UNC79: variants seen among roughly 807,000 people sequenced by gnomAD.
UNC79 encodes the protein protein unc-79 homolog.
Under a neutral mutation model 283.1 loss-of-function variants are expected in UNC79, and 37 were observed. The observed-to-expected ratio is 0.13, with a 90% CI of 0.10 to 0.17. The LOEUF is 0.17. Ranked by LOEUF, UNC79 falls within the 10% of genes least tolerant of loss-of-function variation. The pLI is 1.00. For synonymous variants in UNC79, 1,107 were observed against 1,200.2 expected, an observed-to-expected ratio of 0.92 and a Z score of 1.61; for missense variants, 2,272 against 3,211.1, an observed-to-expected ratio of 0.71 and a Z score of 7.07.
chr14:93,451,425 A>G (rs1473250068), intron 1 of UNC79, among the ~76,000 whole-genome samples: 1 of 152,232 alleles, frequency 6.6e-6, no homozygotes, highest in Non-Finnish European at 1.5e-5. Flanking sequence ...TCTAGCTGCC[A>G]GGGGTTGGAG....
intron 7 of UNC79, among the ~76,000 whole-genome samples, chr14:93,517,413 G>A (rs1595721677): frequency 6.9e-6 from 1 of 144,544 alleles, no homozygotes; most frequent in South Asian, 2.2e-4. Flanking sequence ...CCCAATCTTT[G>A]GGGAGAGTAT....
chr14:93,538,519 C>T (rs947628308), intron 12 of UNC79, among the ~76,000 whole-genome samples: 3 of 152,038 alleles, frequency 2.0e-5, no homozygotes, highest in African/African-American at 4.8e-5. Flanking sequence ...CATTGTGGTA[C>T]GGTTTGGTGA....
chr14:93,580,291 A>G (rs764012001), exon 19 of UNC79: 4 of 1,614,208 alleles, frequency 2.5e-6, no homozygotes, highest in Non-Finnish European at 3.4e-6. Context: ...ATCGAGTGCA[A>G]CTTATGTCAG....
At chr14:93,391,013 C>T (rs2054871753) in intron 1 of UNC79, among the ~76,000 whole-genome samples, 1 of 152,178 alleles carries the variant, frequency 6.6e-6, no homozygotes. Context: ...AGCTAAAACA[C>T]TTCTGAAGAA....
At position 93,536,943 on chromosome 14, in the gene UNC79, G is replaced by A. The variant is rs555057297; in HGVS notation, c.1123-1046G>A. 5.1e-4 allele frequency among the ~76,000 whole-genome samples: 77 copies of A among 152,106 alleles called. 1 individual carries two copies. Among genetic ancestry groups the A allele is most frequent in the Non-Finnish European group, 7.9e-4 (54 of 67,982 alleles). The stretch of plus-strand genomic sequence containing the variant: ...GGGCCCTGGATTTGATGTTTGCCTT[G>A]AAACTTTTTCTTACCTTGAGAATCC... On this transcript the variant is annotated intron_variant, in intron 11 of 48. Transcript: ENST00000555664.
intron 1 of UNC79, among the ~76,000 whole-genome samples, chr14:93,344,466 G>A (rs1355203311): frequency 1.3e-5 from 2 of 152,158 alleles, no homozygotes; most frequent in African/African-American, 4.8e-5. Flanking sequence ...TTGAACACAG[G>A]CAGGATATTC....
chr14:93,374,674 G>T (rs369764976), intron 1 of UNC79, among the ~76,000 whole-genome samples: 3 of 152,108 alleles, frequency 2.0e-5, no homozygotes, highest in Admixed American at 2.0e-4. Flanking sequence ...GAGTAGCTGG[G>T]ATTACAGTTG....
intron 7 of UNC79, 126 bp from the exon 8 acceptor site, chr14:93,523,851 TG>T (rs1385721760): frequency 2.1e-6 from 2 of 941,628 alleles, no homozygotes; most frequent in Non-Finnish European, 1.6e-6. Context: ...ATTAAAAAGA[TG>T]ATTCTGTTAG....
intron 41 of UNC79, among the ~76,000 whole-genome samples, chr14:93,676,876 T>C (rs141876406): frequency 6.6e-6 from 1 of 152,378 alleles, no homozygotes; most frequent in East Asian, 1.9e-4. Flanking sequence ...TGGGTTTTCA[T>C]CTACCATTTC....
intron 1 of UNC79, among the ~76,000 whole-genome samples, chr14:93,336,155 G>A (rs1304805123): frequency 1.3e-5 from 2 of 151,968 alleles, no homozygotes; most frequent in African/African-American, 2.4e-5. Flanking sequence ...ATGGAAGCTG[G>A]GTTTTTGAAA....
intron 47 of UNC79, among the ~76,000 whole-genome samples, chr14:93,695,679 G>A (rs752331188): frequency 1.1e-4 from 17 of 151,468 alleles, no homozygotes; most frequent in African/African-American, 4.1e-4. Context: ...ATCACTTGAG[G>A]CCAGGAGTTC....
chr14:93,513,375 C>A (rs1277388923), intron 7 of UNC79, among the ~76,000 whole-genome samples: 1 of 151,944 alleles, frequency 6.6e-6, no homozygotes, highest in African/African-American at 2.4e-5. Flanking sequence ...GCATGACCAA[C>A]ACACCTGGCT....
In UNC79 at chr14:93,464,665, T is replaced by C. The variant is rs10150571; in HGVS notation, c.23-3006T>C. 1,531 of 449,674 alleles carry C rather than the reference T, an allele frequency of 3.4e-3. 30 individuals carry two copies. Among genetic ancestry groups the C allele is most frequent in the African/African-American group, 0.028 (1,389 of 49,580 alleles). 27.9% of individuals were successfully genotyped at this position (449,674 alleles called of 1,614,324 possible). ...AGATAGTATAACTATAATTGAAGAG[T>C]GTAGAAGAAGGAGCTTACTAGAGAA... On this transcript the variant is annotated intron_variant, in intron 1 of 48. Transcript: ENST00000555664.
chr14:93,597,306 T>C, intron 23 of UNC79, 53 bp from the exon 24 acceptor site: 1 of 1,567,256 alleles, frequency 6.4e-7, no homozygotes, highest in Non-Finnish European at 8.7e-7. Context: ...TGTATGCGTG[T>C]GCCTGTAGGT....
intron 1 of UNC79, among the ~76,000 whole-genome samples, chr14:93,339,238 C>T (rs1874690913): frequency 6.6e-6 from 1 of 152,178 alleles, no homozygotes; most frequent in South Asian, 2.1e-4. Context: ...ACTATCAGCC[C>T]TCACCAGATG....
chr14:93,439,999 A>G (rs942633944), intron 1 of UNC79, among the ~76,000 whole-genome samples: 2 of 152,030 alleles, frequency 1.3e-5, no homozygotes, highest in African/African-American at 4.8e-5. Flanking sequence ...TGGTTTTTGC[A>G]TCCATGGATT....
chr14:93,348,556 A>G (rs958009614), intron 1 of UNC79, among the ~76,000 whole-genome samples: 12 of 152,198 alleles, frequency 7.9e-5, no homozygotes, highest in Non-Finnish European at 1.8e-4. Flanking sequence ...TTTATGTTCT[A>G]TTAGTACTGC....
intron 24 of UNC79, among the ~76,000 whole-genome samples, chr14:93,600,297 A>G (rs1319173194): frequency 6.6e-6 from 1 of 152,234 alleles, no homozygotes; most frequent in East Asian, 1.9e-4. Context: ...TATTTAACAC[A>G]TTAGAAAACC....
At chr14:93,608,549 CA>C (rs1489669222) in intron 26 of UNC79, among the ~76,000 whole-genome samples, 5 of 152,310 alleles carry the variant, frequency 3.3e-5, no homozygotes, top group African/African-American at 1.2e-4. Flanking sequence ...TGTGCACACA[CA>C]AGGGAAAACT....
Sources: gnomAD v4.1 joint callset for allele counts (sites outside exome capture counted in the v4.1 genomes callset) on GRCh38, gnomAD v4.1.1 for gene constraint, MANE v1.5 for transcripts, NCBI Gene and HGNC (gene_info 2026-07-23, HGNC 2026-07-21) for gene names.